The following SNF8 variants were observed in gnomAD, a reference collection of about 807,000 sequenced individuals.
SNF8 encodes vacuolar-sorting protein SNF8.
SNF8 carries 19 observed loss-of-function variants against 36.8 expected under a neutral mutation model. The observed-to-expected ratio is 0.52, with a 90% CI of 0.36 to 0.76. The LOEUF (loss-of-function observed/expected upper bound fraction) is 0.76, where lower values mean the gene tolerates loss of function less well. SNF8 is among the 30% of genes least tolerant of loss of function. SNF8 has a pLI of 0.00. For missense variants in SNF8, 268 were observed against 322.9 expected (o/e 0.83, Z 1.30); for synonymous variants, 127 against 127.4 (o/e 1.00, Z 0.02).
At chr17:48,934,695 CAAT>C (rs2040909659) in intron 5 of SNF8, 2 of 153,460 alleles carry the variant, frequency 1.3e-5, no homozygotes, top group Non-Finnish European at 2.9e-5. Flanking sequence ...CAGCCTAGAA[CAAT>C]GAGTGCATGC....
chr17:48,938,049 T>C (rs1005036702), intron 3 of SNF8, among the ~76,000 whole-genome samples: 3 of 151,950 alleles, frequency 2.0e-5, no homozygotes, highest in African/African-American at 7.3e-5. Flanking sequence ...AAGCATGCAG[T>C]GAAATATAAT....
chr17:48,933,146 C>T (rs2040883728), intron 6 of SNF8, 59 bp downstream of exon 6: 3 of 1,595,650 alleles, frequency 1.9e-6, no homozygotes, highest in Admixed American at 3.4e-5. Context: ...GAGAACTGCT[C>T]CAGACTTGCC....
chr17:48,940,242 T>C (rs139304323), intron 3 of SNF8, among the ~76,000 whole-genome samples: 23 of 151,890 alleles, frequency 1.5e-4, no homozygotes, highest in Admixed American at 1.0e-3. Context: ...AGTCTCGCCA[T>C]GTTGCCCAGG....
intron 3 of SNF8, among the ~76,000 whole-genome samples, chr17:48,937,862 G>A (rs1016504974): frequency 6.6e-6 from 1 of 151,870 alleles, no homozygotes; most frequent in Admixed American, 6.6e-5. Context: ...GGAGGCAGAG[G>A]TTGCAGTGAG....
In SNF8 at chr17:48,930,434, G is replaced by A. The variant is rs369290215; in HGVS notation, c.*41C>T. 4.1e-6 allele frequency: 6 copies of A among 1,461,724 alleles called. No homozygotes were observed. Among genetic ancestry groups the A allele is most frequent in the African/African-American group, 2.8e-5 (2 of 70,804 alleles). 90.5% of individuals were successfully genotyped at this position (1,461,724 alleles called of 1,614,324 possible). On this transcript the variant is annotated 3_prime_UTR_variant, in exon 8 of 8. Coordinates refer to ENST00000502492, the MANE Select transcript of SNF8 (RefSeq NM_007241.4). ...TTGCCCAGGTTTATTTGCCACCTCC[G>A]CCTCCTCCCTGCCTGCTGCTGTGTG...
At chr17:48,932,006 C>T (rs894454899) in intron 6 of SNF8, 5 of 213,998 alleles carry the variant, frequency 2.3e-5, no homozygotes, top group East Asian at 1.1e-4. Context: ...GATCACCTGA[C>T]GTCAGGAGTT....
chr17:48,930,417 G>A lies in SNF8; in HGVS notation c.*58C>T, dbSNP rs2040839700. 7.0e-7 allele frequency: 1 copy of A among 1,422,512 alleles called. No homozygotes were observed. Among genetic ancestry groups the A allele is most frequent in the Admixed American group, 2.7e-5 (1 of 37,404 alleles). 88.1% of individuals were successfully genotyped at this position (1,422,512 alleles called of 1,614,324 possible). On this transcript the variant is annotated 3_prime_UTR_variant, in exon 8 of 8. Coordinates refer to ENST00000502492, the MANE Select transcript of SNF8 (RefSeq NM_007241.4). ...TTTTTGTATAAACAAAATTGCCCAG[G>A]TTTATTTGCCACCTCCGCCTCCTCC...
intron 2 of SNF8, 100 bp downstream of exon 2, chr17:48,943,825 T>G: frequency 9.3e-7 from 1 of 1,075,446 alleles, no homozygotes; most frequent in Non-Finnish European, 1.4e-6. Flanking sequence ...CCAAACACCC[T>G]ATTTCTAGTT....
chr17:48,938,076 AC>A (rs1208757251), intron 3 of SNF8, among the ~76,000 whole-genome samples: 1 of 152,198 alleles, frequency 6.6e-6, no homozygotes, highest in Admixed American at 6.6e-5. Context: ...TATGGTCTAG[AC>A]AAGACTAAGA....
chr17:48,942,421 T>C (rs1325901064), intron 2 of SNF8, among the ~76,000 whole-genome samples: 1 of 151,850 alleles, frequency 6.6e-6, no homozygotes, highest in Non-Finnish European at 1.5e-5. Flanking sequence ...TGTGAGTGGG[T>C]GCTTTTGAAG....
At chr17:48,944,422 G>A (rs1470063822) in intron 1 of SNF8, among the ~76,000 whole-genome samples, 1 of 152,262 alleles carries the variant, frequency 6.6e-6, no homozygotes, top group African/African-American at 2.4e-5. Context: ...GAGAAGGATA[G>A]GGTGAAGGAG....
rs1369886448 is a variant in SNF8, at chr17:48,929,474, A to G, written c.*1001T>C. On this transcript the variant is annotated 3_prime_UTR_variant, in exon 8 of 8. Transcript: ENST00000502492. Reference sequence around the variant, plus strand: ...CTTTTAGGATCTTAGCCTTTAGACCATAAGGACTTTGGGAGCCTTAAACAA... The same window carrying G: ...CTTTTAGGATCTTAGCCTTTAGACCGTAAGGACTTTGGGAGCCTTAAACAA... The G allele has an allele frequency of 6.6e-6, 1 of 152,156 alleles. No homozygotes were observed. Among genetic ancestry groups the G allele is most frequent in the Non-Finnish European group, 1.5e-5 (1 of 68,030 alleles). 9.4% of individuals were successfully genotyped at this position (152,156 alleles called of 1,614,324 possible). A position where few individuals can be genotyped will look rare whatever the true frequency, so the allele number is the denominator to read the frequency against.
chr17:48,937,497 G>T (rs1471102786), intron 3 of SNF8, among the ~76,000 whole-genome samples: 1 of 152,130 alleles, frequency 6.6e-6, no homozygotes, highest in East Asian at 1.9e-4. Context: ...AGGAGTGGTG[G>T]CGTGCGCCTG....
At chr17:48,943,649 G>A (rs562072853) in intron 2 of SNF8, among the ~76,000 whole-genome samples, 3 of 152,094 alleles carry the variant, frequency 2.0e-5, no homozygotes, top group South Asian at 2.1e-4. Flanking sequence ...GAATAATAGG[G>A]TTCCTTCCTT....
chr17:48,930,705 G>A lies in SNF8; in HGVS notation c.640-93C>T, dbSNP rs531062177. The A allele has an allele frequency of 2.3e-5, 32 of 1,364,268 alleles. No individual in the cohort carries two copies. In the African/African-American group the frequency reaches 4.3e-4, roughly 18 times the overall value. 84.5% of individuals were successfully genotyped at this position (1,364,268 alleles called of 1,614,324 possible). A position where few individuals can be genotyped will look rare whatever the true frequency, so the allele number is the denominator to read the frequency against. On this transcript the variant is annotated intron_variant, in intron 7 of 7. Coordinates refer to ENST00000502492, the MANE Select transcript of SNF8 (RefSeq NM_007241.4). Reference sequence around the variant, plus strand: ...AACCCCCACACCTATTTTGGCTTCAGTGAGGTTTTCAAACTAAATCTACTA... The same window carrying A: ...AACCCCCACACCTATTTTGGCTTCAATGAGGTTTTCAAACTAAATCTACTA...
chr17:48,942,802 C>T (rs541291407), intron 2 of SNF8, among the ~76,000 whole-genome samples: 1 of 151,622 alleles, frequency 6.6e-6, no homozygotes, highest in East Asian at 1.9e-4. Flanking sequence ...CCCACCTCGG[C>T]CTCCCAAAGT....
At chr17:48,935,512 CAAAAA>C (rs34255720) in intron 5 of SNF8, among the ~76,000 whole-genome samples, 12 of 88,948 alleles carry the variant, frequency 1.3e-4, no homozygotes, top group Admixed American at 8.3e-4. Context: ...GACTCTGTCT[CAAAAA>C]AAAAAAAAAA....
At chr17:48,937,431 C>T in intron 3 of SNF8, 1 of 421,282 alleles carries the variant, frequency 2.4e-6, no homozygotes, top group South Asian at 2.0e-5. Context: ...AGTTCAAGAC[C>T]AGCCTGGCCA....
chr17:48,936,033 T>C (rs2040929318), intron 5 of SNF8, 137 bp downstream of exon 5: 4 of 634,280 alleles, frequency 6.3e-6, no homozygotes. Context: ...TGTTTTTTGT[T>C]TTTTTTTTTC....
Sources: gnomAD v4.1 joint callset for allele counts (sites outside exome capture counted in the v4.1 genomes callset) on GRCh38, gnomAD v4.1.1 for gene constraint, MANE v1.5 for transcripts, NCBI Gene and HGNC (gene_info 2026-07-23, HGNC 2026-07-21) for gene names.